Variants in SPOCK1 observed in about 807,000 individuals in gnomAD.
SPOCK1 encodes the protein SPARC (osteonectin), cwcv and kazal like domains proteoglycan 1, also known as testican-1.
A neutral mutation model predicts 55.3 loss-of-function variants in SPOCK1; 23 were observed. The ratio of observed to expected loss-of-function variants is 0.42; its 90% CI spans 0.30 to 0.59. The LOEUF (loss-of-function observed/expected upper bound fraction) is 0.59, where lower values mean the gene tolerates loss of function less well. Ranked by LOEUF, SPOCK1 falls within the 20% of genes least tolerant of loss-of-function variation. The probability of loss-of-function intolerance (pLI) is 0.22; values close to 1 mark genes in which losing one functional copy is unlikely to be tolerated. For synonymous variants in SPOCK1, 226 were observed against 221.0 expected, an observed-to-expected ratio of 1.02 and a Z score of -0.20; for missense variants, 499 against 552.5, an observed-to-expected ratio of 0.90 and a Z score of 0.97.
At chr5:137,434,496 T>C (rs945186075) in intron 2 of SPOCK1, among the ~76,000 whole-genome samples, 17 of 125,878 alleles carry the variant, frequency 1.4e-4, no homozygotes, top group African/African-American at 5.0e-4. Flanking sequence ...TTTTTTTTTT[T>C]TTTTTTTTTT....
chr5:137,200,143 T>C (rs1193792522), intron 3 of SPOCK1, among the ~76,000 whole-genome samples: 2 of 152,150 alleles, frequency 1.3e-5, no homozygotes, highest in Non-Finnish European at 2.9e-5. Flanking sequence ...GCCCCATGGC[T>C]TCTCTGTTTT....
At chr5:137,100,131 A>G (rs1224678206) in intron 5 of SPOCK1, among the ~76,000 whole-genome samples, 1 of 152,114 alleles carries the variant, frequency 6.6e-6, no homozygotes, top group Non-Finnish European at 1.5e-5. Flanking sequence ...CCAACAGGGG[A>G]GTTTACAGGA....
intron 2 of SPOCK1, among the ~76,000 whole-genome samples, chr5:137,477,585 G>A (rs989515411): frequency 3.9e-5 from 6 of 152,150 alleles, no homozygotes; most frequent in Non-Finnish European, 7.3e-5. Flanking sequence ...CAGCCTTCTG[G>A]CTAAGATATC....
At position 137,434,480 on chromosome 5, in the gene SPOCK1, C is replaced by CTTTTTTTTTTTTTTTTTTT. The variant is rs146762668; in HGVS notation, c.186+63874_186+63892dup. Among the ~76,000 whole-genome samples, 7 of 68,222 alleles carry CTTTTTTTTTTTTTTTTTTT rather than the reference C, an allele frequency of 1.0e-4. 2 individuals are homozygous for CTTTTTTTTTTTTTTTTTTT. Among genetic ancestry groups the CTTTTTTTTTTTTTTTTTTT allele is most frequent in the African/African-American group, 3.6e-4 (6 of 16,668 alleles). 44.8% of individuals were successfully genotyped at this position (68,222 alleles called of 152,430 possible). A position where few individuals can be genotyped will look rare whatever the true frequency, so the allele number is the denominator to read the frequency against. ...TTTCCCTTCTCCATTTCTTTTTTTT[C>CTTTTTTTTTTTTTTTTTTT]TTTTTTTTTTTTTTTTTTTTTTTTT... On this transcript the variant is annotated intron_variant, in intron 2 of 10. Transcript: ENST00000394945.
chr5:137,097,370 G>C (rs17703411), intron 5 of SPOCK1, among the ~76,000 whole-genome samples: 1 of 152,182 alleles, frequency 6.6e-6, no homozygotes, highest in East Asian at 1.9e-4. Context: ...GTTGCTGCTC[G>C]CTTAGTCTTC....
intron 2 of SPOCK1, among the ~76,000 whole-genome samples, chr5:137,475,577 T>TTTA (rs1753823030): frequency 4.0e-5 from 6 of 150,208 alleles, no homozygotes; most frequent in Middle Eastern, 3.2e-3. Context: ...TCTTTATTTA[T>TTTA]TTATTTATTT....
intron 4 of SPOCK1, among the ~76,000 whole-genome samples, chr5:137,119,119 G>A (rs1374434252): frequency 4.6e-5 from 7 of 152,154 alleles, no homozygotes; most frequent in African/African-American, 1.7e-4. Flanking sequence ...CTAAGACAGA[G>A]ACCTGTCAGC....
At chr5:137,102,186 T>G (rs984944289) in intron 5 of SPOCK1, among the ~76,000 whole-genome samples, 1 of 152,026 alleles carries the variant, frequency 6.6e-6, no homozygotes, top group Non-Finnish European at 1.5e-5. Context: ...ATAGCGAAGG[T>G]TGGGATGAAG....
rs369577026 is a variant in SPOCK1, at chr5:136,985,189, C to A, written c.942G>T (p.Gln314His). The A allele has an allele frequency of 1.2e-6, 2 of 1,614,016 alleles. No individual in the cohort carries two copies. Among genetic ancestry groups the A allele is most frequent in the Non-Finnish European group, 1.7e-6 (2 of 1,179,982 alleles). The change falls in exon 9 of 11, where the codon CAG becomes CAT. Residue 314 changes from glutamine to histidine, a missense_variant. Physicochemically the swap from Gln to His is conservative, Grantham distance 24. Around this residue, in one of 3 missense-constraint regions of SPOCK1, gnomAD observed 386 missense variants for 400.6 expected, o/e 0.96. Transcript: ENST00000394945. The part of the protein sequence containing the change: ...CFQKPGGLPC[Q>H]NEMNRIQKLS... Reference sequence around the variant, plus strand: ...GCTTCTGAATTCTGTTCATTTCATTCTGGCAAGGGAGACCTAAAAAATAAT... The same window carrying A: ...GCTTCTGAATTCTGTTCATTTCATTATGGCAAGGGAGACCTAAAAAATAAT...
intron 2 of SPOCK1, among the ~76,000 whole-genome samples, chr5:137,312,229 G>C (rs1561501297): frequency 6.6e-6 from 1 of 152,192 alleles, no homozygotes; most frequent in Admixed American, 6.5e-5. Flanking sequence ...GAGCTGGCCT[G>C]AAAGAGCTTA....
intron 3 of SPOCK1, among the ~76,000 whole-genome samples, chr5:137,229,457 C>T (rs192238784): frequency 6.6e-6 from 1 of 152,258 alleles, no homozygotes; most frequent in African/African-American, 2.4e-5. Context: ...CCCAGTCACT[C>T]CTTTTGATCA....
intron 3 of SPOCK1, among the ~76,000 whole-genome samples, chr5:137,217,812 C>G (rs942050221): frequency 2.0e-5 from 3 of 152,154 alleles, no homozygotes; most frequent in Non-Finnish European, 2.9e-5. Context: ...GAAATTACAG[C>G]TCCGAGAAGC....
chr5:137,244,719 C>A (rs1202992665), intron 3 of SPOCK1, among the ~76,000 whole-genome samples: 1 of 152,184 alleles, frequency 6.6e-6, no homozygotes, highest in East Asian at 1.9e-4. Context: ...ACTGGGGCTA[C>A]CAAACATATT....
chr5:137,379,609 G>A (rs1008747301), intron 2 of SPOCK1, among the ~76,000 whole-genome samples: 2 of 148,218 alleles, frequency 1.3e-5, no homozygotes, highest in African/African-American at 5.0e-5. Flanking sequence ...AGGGATTTGG[G>A]AGCTACTTAA....
intron 2 of SPOCK1, among the ~76,000 whole-genome samples, chr5:137,301,395 A>G (rs574131243): frequency 6.6e-6 from 1 of 152,296 alleles, no homozygotes; most frequent in Admixed American, 6.5e-5. Context: ...CAGGGAAACT[A>G]TTTTTGGGCA....
At chr5:137,033,352 GC>G (rs1179651775) in intron 6 of SPOCK1, among the ~76,000 whole-genome samples, 11 of 152,212 alleles carry the variant, frequency 7.2e-5, no homozygotes, top group Non-Finnish European at 1.6e-4. Flanking sequence ...GAATTTGCAT[GC>G]CTTTGCATTT....
intron 6 of SPOCK1, among the ~76,000 whole-genome samples, chr5:137,043,223 T>C (rs910093416): frequency 2.0e-5 from 3 of 152,170 alleles, no homozygotes; most frequent in African/African-American, 7.2e-5. Context: ...AATCTTAGTA[T>C]TGGATTAATA....
At chr5:137,233,713 C>CTTTTTTTTTTTTTTTTTTTTTTTTT (rs56328555) in intron 3 of SPOCK1, among the ~76,000 whole-genome samples, 29 of 58,414 alleles carry the variant, frequency 5.0e-4, no homozygotes, top group African/African-American at 1.1e-3. Context: ...AGGATATGCA[C>CTTTTTTTTTTTTTTTTTTTTTTTTT]TTTTTTTTTT....
At chr5:137,377,139 C>T (rs527913163) in intron 2 of SPOCK1, among the ~76,000 whole-genome samples, 1 of 152,296 alleles carries the variant, frequency 6.6e-6, no homozygotes, top group South Asian at 2.1e-4. Flanking sequence ...TTTGTTGGCC[C>T]AATGAGGCAA....
Sources: allele counts gnomAD v4.1 joint callset (sites outside exome capture counted in the v4.1 genomes callset), GRCh38; gene constraint gnomAD v4.1.1; regional missense constraint gnomAD v4.1.1; transcripts MANE v1.5; gene names NCBI Gene and HGNC (gene_info 2026-07-23, HGNC 2026-07-21).